Variants in CDH13 observed in about 807,000 individuals in gnomAD.
The protein encoded by CDH13 is cadherin-13.
A neutral mutation model predicts 63.8 loss-of-function variants in CDH13; 24 were observed. The ratio of observed to expected loss-of-function variants is 0.38; its 90% confidence interval spans 0.27 to 0.53. The LOEUF (loss-of-function observed/expected upper bound fraction) is 0.53, where lower values mean the gene tolerates loss of function less well. Ranked by LOEUF, CDH13 falls within the 20% of genes least tolerant of loss-of-function variation. The pLI is 0.85. For missense variants in CDH13, 1,049 were observed against 903.1 expected, an observed-to-expected ratio of 1.16 and a Z score of -2.07; for synonymous variants, 503 against 355.3, an observed-to-expected ratio of 1.42 and a Z score of -4.67.
At chr16:83,680,259 G>A (rs1249266299) in intron 10 of CDH13, among the ~76,000 whole-genome samples, 5 of 152,284 alleles carry the variant, frequency 3.3e-5, no homozygotes, top group Admixed American at 2.6e-4. Flanking sequence ...CATTCCCAGG[G>A]CAGCTCTGCC....
In CDH13 at chr16:83,669,667, G is replaced by A. The variant is rs77342100; in HGVS notation, c.1102-1123G>A. Among the ~76,000 whole-genome samples, 510 of 152,272 alleles carry A rather than the reference G, an allele frequency of 3.3e-3. 7 individuals are homozygous for A. Among genetic ancestry groups the A allele is most frequent in the African/African-American group, 0.012 (491 of 41,570 alleles). On this transcript the variant is annotated intron_variant, in intron 8 of 13. Transcript: ENST00000567109. ...CCGCCCTGTCCCCTGAGAGGCCTCA[G>A]GATTAAGGTTTATGATTAATGATTT... is the stretch of plus-strand genomic sequence containing the variant.
At chr16:83,302,951 A>G (rs1324291267) in intron 5 of CDH13, among the ~76,000 whole-genome samples, 1 of 152,168 alleles carries the variant, frequency 6.6e-6, no homozygotes, top group Admixed American at 6.5e-5. Flanking sequence ...TTGCTCAAAA[A>G]TCTCATCAAG....
At chr16:82,980,399 A>T (rs1221926144) in intron 2 of CDH13, among the ~76,000 whole-genome samples, 2 of 152,242 alleles carry the variant, frequency 1.3e-5, no homozygotes, top group African/African-American at 2.4e-5. Flanking sequence ...GGAGCTGGGT[A>T]AACAGAAGCT....
At chr16:83,241,838 G>A (rs1311808807) in intron 5 of CDH13, among the ~76,000 whole-genome samples, 1 of 152,136 alleles carries the variant, frequency 6.6e-6, no homozygotes, top group Admixed American at 6.5e-5. Flanking sequence ...TTTTAAGTTT[G>A]ATGTAGTTTC....
chr16:82,754,780 A>G (rs2034549977), intron 1 of CDH13, among the ~76,000 whole-genome samples: 1 of 152,188 alleles, frequency 6.6e-6, no homozygotes, highest in African/African-American at 2.4e-5. Flanking sequence ...CTAAAAGCCA[A>G]CTCATTTCAT....
rs140629069 is a variant in CDH13, at chr16:83,500,739, G to A, written c.960+14084G>A. On this transcript the variant is annotated intron_variant, in intron 7 of 13. Coordinates refer to ENST00000567109, the MANE Select transcript of CDH13 (RefSeq NM_001257.5). ...AGGAAAGGCACCCACCATCTTGCCC[G>A]GCTAATTTTTGTTTTATTTTTGTGG... 7.6e-4 allele frequency among the ~76,000 whole-genome samples: 114 copies of A among 150,036 alleles called. 1 individual carries two copies. Among genetic ancestry groups the A allele is most frequent in the Non-Finnish European group, 1.3e-3 (87 of 67,620 alleles).
At chr16:83,221,363 C>T (rs897594532) in intron 5 of CDH13, among the ~76,000 whole-genome samples, 1 of 152,256 alleles carries the variant, frequency 6.6e-6, no homozygotes, top group Non-Finnish European at 1.5e-5. Flanking sequence ...TAGCACCTGG[C>T]AAAATAATTT....
intron 2 of CDH13, among the ~76,000 whole-genome samples, chr16:82,933,091 C>G (rs980447107): frequency 1.3e-5 from 2 of 151,988 alleles, no homozygotes; most frequent in African/African-American, 2.4e-5. Context: ...TCAAATGATT[C>G]AGGGTTGGGG....
At chr16:83,352,552 A>G (rs1029385824) in intron 6 of CDH13, among the ~76,000 whole-genome samples, 10 of 152,206 alleles carry the variant, frequency 6.6e-5, no homozygotes, top group African/African-American at 2.2e-4. Context: ...TCACCACACC[A>G]TACATACATA....
At chr16:82,939,723 T>G (rs2042775880) in intron 2 of CDH13, among the ~76,000 whole-genome samples, 1 of 152,236 alleles carries the variant, frequency 6.6e-6, no homozygotes, top group South Asian at 2.1e-4. Flanking sequence ...TCCCACTAGC[T>G]GCAAAGGTTA....
At chr16:82,790,637 T>C (rs1311107386) in intron 1 of CDH13, among the ~76,000 whole-genome samples, 5 of 152,174 alleles carry the variant, frequency 3.3e-5, no homozygotes, top group African/African-American at 1.2e-4. Context: ...CTAGGTAATT[T>C]ATAAAGGAAA....
At chr16:83,402,000 A>G (rs997168132) in intron 6 of CDH13, among the ~76,000 whole-genome samples, 3 of 152,186 alleles carry the variant, frequency 2.0e-5, no homozygotes, top group African/African-American at 7.2e-5. Flanking sequence ...TGACTTTTCA[A>G]AAGAAAAGAA....
chr16:82,935,557 C>T (rs1214666273), intron 2 of CDH13, among the ~76,000 whole-genome samples: 1 of 152,150 alleles, frequency 6.6e-6, no homozygotes, highest in Admixed American at 6.5e-5. Flanking sequence ...GTAAAAAGGA[C>T]CTACCTTGGA....
chr16:83,620,603 A>G (rs1374291012), intron 8 of CDH13, among the ~76,000 whole-genome samples: 3 of 152,190 alleles, frequency 2.0e-5, no homozygotes, highest in Non-Finnish European at 4.4e-5. Flanking sequence ...TTATGTAGTA[A>G]GTTTCAAGCT....
At chr16:83,519,471 T>TC (rs1466835440) in intron 7 of CDH13, among the ~76,000 whole-genome samples, 1 of 152,210 alleles carries the variant, frequency 6.6e-6, no homozygotes, top group Non-Finnish European at 1.5e-5. Flanking sequence ...ATATCGCACT[T>TC]CTACATTCCT....
chr16:82,828,330 T>A (rs1250314559), intron 1 of CDH13, among the ~76,000 whole-genome samples: 1 of 152,246 alleles, frequency 6.6e-6, no homozygotes, highest in East Asian at 1.9e-4. Flanking sequence ...ATCAAAAGTA[T>A]CCTCTGGCCG....
chr16:82,772,486 G>A (rs148892380), intron 1 of CDH13, among the ~76,000 whole-genome samples: 1 of 152,154 alleles, frequency 6.6e-6, no homozygotes, highest in South Asian at 2.1e-4. Context: ...AGAGGGAGGG[G>A]AACATGCTGG....
intron 2 of CDH13, among the ~76,000 whole-genome samples, chr16:82,952,194 C>A (rs915439406): frequency 1.3e-5 from 2 of 152,198 alleles, no homozygotes; most frequent in African/African-American, 4.8e-5. Context: ...AACAGGAGAA[C>A]GTGGGTGCTG....
At chr16:82,681,823 T>G (rs1397366307) in intron 1 of CDH13, among the ~76,000 whole-genome samples, 2 of 152,226 alleles carry the variant, frequency 1.3e-5, no homozygotes, top group East Asian at 3.8e-4. Flanking sequence ...TGCGTCAATG[T>G]GTAAACACCA....
Sources: allele counts gnomAD v4.1 joint callset (sites outside exome capture counted in the v4.1 genomes callset), GRCh38; gene constraint gnomAD v4.1.1; transcripts MANE v1.5; gene names NCBI Gene and HGNC (gene_info 2026-07-23, HGNC 2026-07-21).